The following FGF7 variants were observed in gnomAD, a reference collection of about 807,000 sequenced individuals.
FGF7 encodes fibroblast growth factor 7.
In FGF7, 6 loss-of-function variants were observed where a neutral mutation model predicts 20.5. The observed-to-expected ratio is 0.29, with a 90% confidence interval of 0.16 to 0.58. The LOEUF (loss-of-function observed/expected upper bound fraction) is 0.58, where lower values mean the gene tolerates loss of function less well. Among genes scored for constraint, FGF7 ranks in the 20% least tolerant of loss-of-function variants. The pLI is 0.90. For missense variants in FGF7, 144 were observed against 228.8 expected (o/e 0.63, Z 2.39); for synonymous variants, 64 against 74.7 (o/e 0.86, Z 0.74).
At chr15:49,438,658 G>GGGTGTT (rs1213546636) in intron 2 of FGF7, among the ~76,000 whole-genome samples, 2 of 151,668 alleles carry the variant, frequency 1.3e-5, no homozygotes, top group Non-Finnish European at 3.0e-5. Context: ...TATGGAACCT[G>GGGTGTT]GGTGTTAATC....
intron 2 of FGF7, among the ~76,000 whole-genome samples, chr15:49,440,682 C>G (rs1322004952): frequency 6.6e-6 from 1 of 151,658 alleles, no homozygotes; most frequent in African/African-American, 2.4e-5. Context: ...TTTCTCTCAT[C>G]TAATTCCATT....
chr15:49,453,736 T>C (rs1261730449), intron 2 of FGF7, among the ~76,000 whole-genome samples: 1 of 152,196 alleles, frequency 6.6e-6, no homozygotes, highest in Non-Finnish European at 1.5e-5. Context: ...TTTCTTGAGC[T>C]CTTGTTACAT....
chr15:49,431,265 G>A (rs1010184652), intron 2 of FGF7, among the ~76,000 whole-genome samples: 12 of 151,708 alleles, frequency 7.9e-5, no homozygotes, highest in African/African-American at 2.9e-4. Flanking sequence ...TTGGAAAATT[G>A]TGTTAAAGAG....
At chr15:49,477,084 A>G (rs2055408323) in intron 2 of FGF7, among the ~76,000 whole-genome samples, 1 of 150,964 alleles carries the variant, frequency 6.6e-6, no homozygotes, top group South Asian at 2.1e-4. Context: ...AATTGAGCAG[A>G]TAATAGAGTT....
chr15:49,454,618 T>C (rs1024049058), intron 2 of FGF7, among the ~76,000 whole-genome samples: 16 of 152,226 alleles, frequency 1.1e-4, no homozygotes, highest in African/African-American at 3.6e-4. Flanking sequence ...ATTTTTTATA[T>C]TATTTTTTTG....
chr15:49,447,750 G>A (rs1315498966), intron 2 of FGF7, among the ~76,000 whole-genome samples: 2 of 151,628 alleles, frequency 1.3e-5, no homozygotes, highest in African/African-American at 4.8e-5. Flanking sequence ...GAATGACTTT[G>A]TCCTCATTAC....
chr15:49,464,161 G>A (rs2054060143), intron 2 of FGF7, among the ~76,000 whole-genome samples: 1 of 152,064 alleles, frequency 6.6e-6, no homozygotes. Flanking sequence ...TCTAAACGAG[G>A]GTGTAGGGAG....
At chr15:49,478,596 G>A (rs2055586862) in intron 2 of FGF7, among the ~76,000 whole-genome samples, 1 of 152,014 alleles carries the variant, frequency 6.6e-6, no homozygotes. Context: ...ATGCCAAAGA[G>A]GGTATATTTG....
chr15:49,460,088 A>G (rs536397173), intron 2 of FGF7, among the ~76,000 whole-genome samples: 16 of 152,246 alleles, frequency 1.1e-4, no homozygotes, highest in African/African-American at 3.9e-4. Flanking sequence ...TTTTGTTAGC[A>G]CTGTGACAAC....
intron 2 of FGF7, among the ~76,000 whole-genome samples, chr15:49,474,660 G>T (rs35224895): frequency 0.052 from 7,968 of 152,166 alleles, 356 homozygotes; most frequent in East Asian, 0.23. Flanking sequence ...CTGGGGACCG[G>T]TACTGGTCCA....
intron 2 of FGF7, among the ~76,000 whole-genome samples, chr15:49,451,463 G>C (rs920682493): frequency 2.6e-5 from 4 of 151,924 alleles, no homozygotes; most frequent in Non-Finnish European, 4.4e-5. Context: ...ATATATGTTT[G>C]CTTAAATCTA....
At position 49,428,706 on chromosome 15, in the gene FGF7, C is replaced by T. The variant is rs567867598; in HGVS notation, c.286+4123C>T. Reference sequence around the variant, plus strand: ...TTTTCATGCTTTTGGTATCCAATTACTAAAAAGTTGTGCTCTTCCCAATAA... The same window carrying T: ...TTTTCATGCTTTTGGTATCCAATTATTAAAAAGTTGTGCTCTTCCCAATAA... On this transcript the variant is annotated intron_variant, in intron 2 of 3. Transcript: ENST00000267843. 2.0e-5 allele frequency among the ~76,000 whole-genome samples: 3 copies of T among 152,110 alleles called. No homozygotes were observed. The East Asian group carries it at 5.8e-4, about 30-fold the overall frequency.
chr15:49,438,640 T>C (rs944134512), intron 2 of FGF7, among the ~76,000 whole-genome samples: 3 of 151,704 alleles, frequency 2.0e-5, no homozygotes, highest in African/African-American at 7.2e-5. Flanking sequence ...TAATACTGTA[T>C]CATATATTAT....
At chr15:49,469,979 T>G (rs767567280) in intron 2 of FGF7, among the ~76,000 whole-genome samples, 1 of 152,200 alleles carries the variant, frequency 6.6e-6, no homozygotes, top group Non-Finnish European at 1.5e-5. Flanking sequence ...GATTCCATCT[T>G]TTCATTAGAG....
At chr15:49,428,634 G>A (rs1405259769) in intron 2 of FGF7, among the ~76,000 whole-genome samples, 1 of 151,984 alleles carries the variant, frequency 6.6e-6, no homozygotes, top group African/African-American at 2.4e-5. Flanking sequence ...CTCAGTGACC[G>A]CCTTGAGAGA....
chr15:49,471,495 A>C (rs1391409456), intron 2 of FGF7, among the ~76,000 whole-genome samples: 1 of 107,602 alleles, frequency 9.3e-6, no homozygotes, highest in Non-Finnish European at 2.3e-5. Context: ...AATAATAATA[A>C]TAATAATAAT....
rs537067934 is a variant in FGF7 at position 49,487,194 on chromosome 15, T to C, written c.*2690T>C. 4 of 151,960 alleles carry C rather than the reference T, an allele frequency of 2.6e-5. No homozygotes were observed. The South Asian group carries it at 8.3e-4, about 31-fold the overall frequency. The allele number at this position is 151,960 out of a possible 1,614,324, so 9.4% of individuals were successfully genotyped here. A position where few individuals can be genotyped will look rare whatever the true frequency, so the allele number is the denominator to read the frequency against. Reference sequence around the variant, plus strand: ...AAGGAGAAAAGAAATTATGTAGTTTTCAATTCTGATTCCTATTCACCTTTT... The same window carrying C: ...AAGGAGAAAAGAAATTATGTAGTTTCCAATTCTGATTCCTATTCACCTTTT... On this transcript the variant is annotated 3_prime_UTR_variant, in exon 4 of 4. Coordinates refer to ENST00000267843, the MANE Select transcript of FGF7 (RefSeq NM_002009.4).
intron 2 of FGF7, among the ~76,000 whole-genome samples, chr15:49,456,563 G>T (rs1222155289): frequency 6.6e-6 from 1 of 152,052 alleles, no homozygotes; most frequent in Non-Finnish European, 1.5e-5. Context: ...GACTATTCAA[G>T]AATTACTTTT....
At chr15:49,480,821 T>C (rs1199650241) in intron 2 of FGF7, among the ~76,000 whole-genome samples, 2 of 152,042 alleles carry the variant, frequency 1.3e-5, no homozygotes, top group African/African-American at 4.8e-5. Context: ...CAGTGGGCAA[T>C]AGACAGGCAG....
Sources: gnomAD v4.1 joint callset for allele counts (sites outside exome capture counted in the v4.1 genomes callset) on GRCh38, gnomAD v4.1.1 for gene constraint, MANE v1.5 for transcripts, NCBI Gene and HGNC (gene_info 2026-07-23, HGNC 2026-07-21) for gene names.